HMG20A: variants seen among roughly 807,000 people sequenced by gnomAD.
HMG20A encodes high mobility group 20A, also known as high mobility group protein 20A.
HMG20A carries 17 observed loss-of-function variants against 43.9 expected under a neutral mutation model. That is an observed-to-expected ratio of 0.39 (90% CI 0.27 to 0.58). The LOEUF (loss-of-function observed/expected upper bound fraction) is 0.58. Ranked by LOEUF, HMG20A falls within the 20% of genes least tolerant of loss-of-function variation. The probability of loss-of-function intolerance (pLI) is 0.59; values close to 1 mark genes in which losing one functional copy is unlikely to be tolerated. For missense variants in HMG20A, 341 were observed against 438.2 expected (o/e 0.78, Z 1.98); for synonymous variants, 132 against 147.5 (o/e 0.89, Z 0.76).
chr15:77,460,344 G>C (rs768955918), intron 2 of HMG20A, among the ~76,000 whole-genome samples: 10 of 152,188 alleles, frequency 6.6e-5, no homozygotes, highest in African/African-American at 1.4e-4. Context: ...AAAAAAAGCA[G>C]TCAAAGGCAA....
At chr15:77,461,181 G>C (rs924291799) in intron 2 of HMG20A, among the ~76,000 whole-genome samples, 7 of 152,136 alleles carry the variant, frequency 4.6e-5, no homozygotes, top group Non-Finnish European at 7.4e-5. Context: ...GATGGGGGCT[G>C]AGAAATGACA....
intron 4 of HMG20A, among the ~76,000 whole-genome samples, chr15:77,469,354 A>T (rs1406325118): frequency 6.6e-6 from 1 of 150,996 alleles, no homozygotes. Flanking sequence ...GATTTTTCCA[A>T]CTCCAGCACT....
chr15:77,467,083 T>C lies in HMG20A; in HGVS notation c.238-12T>C. ...TTTGGTTTTTGGTTTTTTATTTTGTTTTGTTTTGTAGCAACGAAGTAAACG... is the reference window on the plus strand; with the variant it reads ...TTTGGTTTTTGGTTTTTTATTTTGTCTTGTTTTGTAGCAACGAAGTAAACG... On this transcript the variant is annotated splice_polypyrimidine_tract_variant and intron_variant, in intron 3 of 9. Transcript: ENST00000336216. 3.1e-6 allele frequency: 5 copies of C among 1,603,470 alleles called. No individual in the cohort carries two copies. The highest frequency in any genetic ancestry group is 4.3e-6 in the Non-Finnish European group (5 of 1,173,472).
At chr15:77,497,991 G>A in the HMG20A span, among the ~76,000 whole-genome samples, 1 of 152,134 alleles carries the variant, frequency 6.6e-6, no homozygotes, top group African/African-American at 2.4e-5. Context: ...AGCTGGAGCT[G>A]TAAGTGGAAG....
the HMG20A span, among the ~76,000 whole-genome samples, chr15:77,504,294 G>A: frequency 1.3e-5 from 2 of 152,228 alleles, no homozygotes; most frequent in Admixed American, 6.5e-5. Flanking sequence ...CTCCCAGAGT[G>A]GCTAATGAGC....
intron 1 of HMG20A, among the ~76,000 whole-genome samples, chr15:77,422,071 C>G (rs535626185): frequency 1.3e-5 from 2 of 152,254 alleles, no homozygotes; most frequent in East Asian, 3.9e-4. Context: ...GTAATAAACA[C>G]TCAATAATTT....
chr15:77,436,451 T>C (rs2073549375), intron 1 of HMG20A, among the ~76,000 whole-genome samples: 1 of 152,024 alleles, frequency 6.6e-6, no homozygotes, highest in African/African-American at 2.4e-5. Context: ...TAGATCCATT[T>C]TCTTTTTTTT....
chr15:77,471,837 A>G, intron 6 of HMG20A, 23 bp downstream of exon 6: 6 of 1,387,852 alleles, frequency 4.3e-6, no homozygotes, highest in Non-Finnish European at 6.0e-6. Flanking sequence ...CTGTCTACAT[A>G]TCATATATAT....
intron 9 of HMG20A, among the ~76,000 whole-genome samples, chr15:77,481,462 T>G (rs2072905294): frequency 6.6e-6 from 1 of 152,162 alleles, no homozygotes; most frequent in Non-Finnish European, 1.5e-5. Flanking sequence ...TGGAAGATTG[T>G]GAAAGAAAAC....
At chr15:77,509,412 G>C in the HMG20A span, among the ~76,000 whole-genome samples, 1 of 151,832 alleles carries the variant, frequency 6.6e-6, no homozygotes, top group African/African-American at 2.4e-5. Flanking sequence ...ATACCACCAT[G>C]CCCAGCTAAT....
intron 1 of HMG20A, among the ~76,000 whole-genome samples, chr15:77,426,735 A>G (rs1289285576): frequency 3.3e-5 from 5 of 152,186 alleles, no homozygotes; most frequent in Non-Finnish European, 7.4e-5. Flanking sequence ...AGAGAGAGAT[A>G]CTTAGACTTG....
At chr15:77,426,159 A>C (rs1347134954) in intron 1 of HMG20A, among the ~76,000 whole-genome samples, 1 of 152,186 alleles carries the variant, frequency 6.6e-6, no homozygotes, top group Non-Finnish European at 1.5e-5. Flanking sequence ...AATGTGCCAG[A>C]ATTAGATAGT....
At chr15:77,512,634 G>T in the HMG20A span, among the ~76,000 whole-genome samples, 1 of 151,996 alleles carries the variant, frequency 6.6e-6, no homozygotes, top group South Asian at 2.1e-4. Context: ...AGGGATAATG[G>T]AATTAGGAAA....
At chr15:77,478,612 C>T (rs1230556936) in intron 8 of HMG20A, 102 bp downstream of exon 8, 4 of 855,254 alleles carry the variant, frequency 4.7e-6, no homozygotes, top group Non-Finnish European at 5.5e-6. Flanking sequence ...TTGAAATCTC[C>T]TCCAGAGGAA....
chr15:77,511,328 G>A, the HMG20A span, among the ~76,000 whole-genome samples: 37 of 152,164 alleles, frequency 2.4e-4, 1 homozygote, highest in Non-Finnish European at 4.4e-4. Flanking sequence ...ACACTGAGAA[G>A]GTCTGGGAGC....
At chr15:77,448,125 G>A (rs939273629) in intron 1 of HMG20A, among the ~76,000 whole-genome samples, 2 of 152,148 alleles carry the variant, frequency 1.3e-5, no homozygotes, top group Non-Finnish European at 2.9e-5. Flanking sequence ...CTGCTATTCT[G>A]ATCTAATTCT....
At chr15:77,509,421 A>AT in the HMG20A span, among the ~76,000 whole-genome samples, 29 of 151,638 alleles carry the variant, frequency 1.9e-4, no homozygotes, top group Non-Finnish European at 2.8e-4. Flanking sequence ...TGCCCAGCTA[A>AT]TTTTTTTATA....
intron 1 of HMG20A, among the ~76,000 whole-genome samples, chr15:77,433,528 G>T (rs1048315230): frequency 1.3e-5 from 2 of 152,106 alleles, no homozygotes; most frequent in Admixed American, 6.6e-5. Flanking sequence ...TTTGAGAGAA[G>T]ATATTTACAG....
chr15:77,492,813 A>G, the HMG20A span, among the ~76,000 whole-genome samples: 5 of 152,078 alleles, frequency 3.3e-5, no homozygotes, highest in Non-Finnish European at 7.4e-5. Flanking sequence ...TCTGTCTCCA[A>G]GGAAAATAAA....
Sources: allele counts gnomAD v4.1 joint callset (sites outside exome capture counted in the v4.1 genomes callset), GRCh38; gene constraint gnomAD v4.1.1; transcripts MANE v1.5; gene names NCBI Gene and HGNC (gene_info 2026-07-23, HGNC 2026-07-21).